The following UQCR11 variants were observed in gnomAD, a reference collection of about 807,000 sequenced individuals.
The protein encoded by UQCR11 is ubiquinol-cytochrome c reductase, complex III subunit XI, also known as cytochrome b-c1 complex subunit 10.
In UQCR11, 10 loss-of-function variants were observed where a neutral mutation model predicts 7.6. That is an observed-to-expected ratio of 1.31 (90% confidence interval 0.81 to 2.22). The LOEUF (loss-of-function observed/expected upper bound fraction) is 2.22, where lower values mean the gene tolerates loss of function less well. Ranked by LOEUF, UQCR11 falls within the 30% of genes most tolerant of loss-of-function variation. The pLI is 0.00. For synonymous variants in UQCR11, 34 were observed against 34.9 expected, an observed-to-expected ratio of 0.97 and a Z score of 0.09; for missense variants, 86 against 75.1, an observed-to-expected ratio of 1.15 and a Z score of -0.54.
Position 1,599,467 on chromosome 19 carries a change from G to C in UQCR11, c.144C>G (p.Ile48Met). ...WRLILDWVPY[I>M]NGKFKKDN ...AATTATCCTTCTTAAACTTGCCATT[G>C]ATGTAAGGTACCCAGTCCAGGATCA... is the stretch of plus-strand genomic sequence containing the variant. Residue 48 changes from isoleucine (I) to methionine (M), a missense_variant, in exon 2 of 3, where the codon ATC becomes ATG. Physicochemically the swap from Ile to Met is conservative, Grantham distance 10. Coordinates refer to ENST00000591899, the MANE Select transcript of UQCR11 (RefSeq NM_006830.4). The C allele has an allele frequency of 2.5e-6, 4 of 1,613,872 alleles. No homozygotes were observed. The South Asian group carries it at 4.4e-5, about 18-fold the overall frequency.
chr19:1,597,542 C>T lies in UQCR11; in HGVS notation c.*702G>A, dbSNP rs1178602049. ...AGCACTGTGGCTTGCTCCTTCCTCT[C>T]CCTTGGTTCACCTGCTCTGGGGAAG... On this transcript the variant is annotated 3_prime_UTR_variant, in exon 3 of 3. Transcript: ENST00000591899. 2 of 152,268 alleles carry T rather than the reference C, an allele frequency of 1.3e-5. No individual in the cohort carries two copies. The highest frequency in any genetic ancestry group is 4.1e-4 in the South Asian group (2 of 4,838). 9.4% of individuals were successfully genotyped at this position (152,268 alleles called of 1,614,324 possible).
intron 1 of UQCR11, 77 bp from the exon 2 acceptor site, chr19:1,599,637 C>G (rs766808874): frequency 2.4e-5 from 38 of 1,564,574 alleles, no homozygotes; most frequent in Non-Finnish European, 3.2e-5. Flanking sequence ...CCCGGCCCCC[C>G]GTCCTGAGCG....
At chr19:1,599,927 G>A (rs1051052080) in intron 1 of UQCR11, among the ~76,000 whole-genome samples, 14 of 152,238 alleles carry the variant, frequency 9.2e-5, no homozygotes, top group Non-Finnish European at 1.8e-4. Context: ...GGCAGGTGCC[G>A]CCATCACAGT....
intron 1 of UQCR11, among the ~76,000 whole-genome samples, chr19:1,601,084 G>T (rs2145620780): frequency 6.6e-6 from 1 of 151,840 alleles, no homozygotes; most frequent in East Asian, 2.0e-4. Context: ...CGGGAGAATG[G>T]CTTGAACCCA....
At chr19:1,600,396 G>A (rs1305579400) in intron 1 of UQCR11, among the ~76,000 whole-genome samples, 3 of 152,034 alleles carry the variant, frequency 2.0e-5, no homozygotes, top group African/African-American at 4.8e-5. Flanking sequence ...TGCATTTTTA[G>A]TAGAGATGGG....
chr19:1,600,414 C>T (rs910708290), intron 1 of UQCR11, among the ~76,000 whole-genome samples: 1 of 152,040 alleles, frequency 6.6e-6, no homozygotes, highest in Non-Finnish European at 1.5e-5. Flanking sequence ...GGGGTTTCAC[C>T]GTGTTAGCCA....
chr19:1,605,131 C>G (rs2060758193), intron 1 of UQCR11, among the ~76,000 whole-genome samples: 1 of 152,210 alleles, frequency 6.6e-6, no homozygotes, highest in African/African-American at 2.4e-5. Flanking sequence ...GCGGCCTAGC[C>G]GCGGAGCCGG....
At position 1,601,453 on chromosome 19, in the gene UQCR11, T is replaced by C. The variant is rs564479735; in HGVS notation, c.51-1893A>G. Among the ~76,000 whole-genome samples, 13 of 151,676 alleles carry C rather than the reference T, an allele frequency of 8.6e-5. No individual in the cohort carries two copies. In the South Asian group the frequency reaches 2.5e-3, roughly 29 times the overall value. On this transcript the variant is annotated intron_variant, in intron 1 of 2. Coordinates refer to ENST00000591899, the MANE Select transcript of UQCR11 (RefSeq NM_006830.4). ...CCATTCTACTAAAAATATAAAAAAT[T>C]AGCCAGGCAAGGTGGCGGGCGCCTG... is the stretch of plus-strand genomic sequence containing the variant.
intron 1 of UQCR11, among the ~76,000 whole-genome samples, chr19:1,601,398 A>C (rs1384733924): frequency 6.6e-6 from 1 of 151,980 alleles, no homozygotes; most frequent in African/African-American, 2.4e-5. Flanking sequence ...GTCAGGAGAT[A>C]GGGACCATCC....
chr19:1,600,798 C>T (rs1348728700), intron 1 of UQCR11, among the ~76,000 whole-genome samples: 1 of 152,172 alleles, frequency 6.6e-6, no homozygotes, highest in Admixed American at 6.5e-5. Flanking sequence ...CTCTTGAGCC[C>T]AGGAAGCAGA....
chr19:1,599,734 A>G (rs1020384011), intron 1 of UQCR11, among the ~76,000 whole-genome samples, 174 bp from the exon 2 acceptor site: 2 of 152,262 alleles, frequency 1.3e-5, no homozygotes, highest in African/African-American at 2.4e-5. Context: ...GGCCCTGCCC[A>G]TGCTGCCGGC....
At chr19:1,600,210 T>G (rs971673907) in intron 1 of UQCR11, among the ~76,000 whole-genome samples, 3 of 133,304 alleles carry the variant, frequency 2.3e-5, no homozygotes, top group Non-Finnish European at 3.2e-5. Context: ...CACAGGCTTC[T>G]TTTTTTTTTT....
Position 1,597,805 on chromosome 19 carries a change from TGAGA to T in UQCR11, c.*435_*438del, listed in dbSNP as rs1191616571. ...CCAAATCCCCGACTGACACAGACTG[TGAGA>T]GAGTGAATGTTCGTTGCTTTAAGCC... On this transcript the variant is annotated 3_prime_UTR_variant, in exon 3 of 3. Transcript: ENST00000591899. 6.6e-6 allele frequency: 1 copy of T among 152,176 alleles called. No individual in the cohort carries two copies. Among genetic ancestry groups the T allele is most frequent in the African/African-American group, 2.4e-5 (1 of 41,426 alleles). The allele number at this position is 152,176 out of a possible 1,614,324, so 9.4% of individuals were successfully genotyped here.
rs2060739724 is a variant in UQCR11 at position 1,599,158 on chromosome 19, G to T, written c.*28+254C>A. ...AGACGGAAGCAAGGTTTGCCTCAAA[G>T]ACTCACTGGGATTGTCCAGAGGGAG... On this transcript the variant is annotated intron_variant, in intron 2 of 2. Transcript: ENST00000591899. 3 of 397,814 alleles carry T rather than the reference G, an allele frequency of 7.5e-6. No homozygotes were observed. In the South Asian group the frequency reaches 8.1e-5, roughly 11 times the overall value. The allele number at this position is 397,814 out of a possible 1,614,324, so 24.6% of individuals were successfully genotyped here. A position where few individuals can be genotyped will look rare whatever the true frequency, so the allele number is the denominator to read the frequency against.
In UQCR11 at chr19:1,599,303, G is replaced by A. The variant is rs1327388106; in HGVS notation, c.*28+109C>T. On this transcript the variant is annotated intron_variant, in intron 2 of 2. Coordinates refer to ENST00000591899, the MANE Select transcript of UQCR11 (RefSeq NM_006830.4). The stretch of plus-strand genomic sequence containing the variant: ...CCACTCTCGAATGCAGGTCTCTCCA[G>A]GGGGAGCAGTGAGGGCTGCCGCCCC... 6 of 1,439,906 alleles carry A rather than the reference G, an allele frequency of 4.2e-6. No homozygotes were observed. In the East Asian group the frequency reaches 1.4e-4, roughly 33 times the overall value. 89.2% of individuals were successfully genotyped at this position (1,439,906 alleles called of 1,614,324 possible).
chr19:1,603,426 C>A (rs879620204), intron 1 of UQCR11, among the ~76,000 whole-genome samples: 1 of 152,074 alleles, frequency 6.6e-6, no homozygotes, highest in Non-Finnish European at 1.5e-5. Flanking sequence ...CACGGTGAAA[C>A]CCCATCTCCA....
At chr19:1,602,765 C>T (rs893737566) in intron 1 of UQCR11, among the ~76,000 whole-genome samples, 1 of 152,140 alleles carries the variant, frequency 6.6e-6, no homozygotes, top group African/African-American at 2.4e-5. Flanking sequence ...GGTTATTAAT[C>T]ACCAGAGAAG....
At chr19:1,603,586 G>A (rs569940837) in intron 1 of UQCR11, among the ~76,000 whole-genome samples, 4 of 152,178 alleles carry the variant, frequency 2.6e-5, no homozygotes, top group East Asian at 1.9e-4. Context: ...CAGCCGGGGC[G>A]ACAGAGCAAG....
rs2060758545 is a variant in UQCR11, at chr19:1,605,238, A to T, written c.50+122T>A. 6 of 1,138,498 alleles carry T rather than the reference A, an allele frequency of 5.3e-6. No homozygotes were observed. The East Asian group carries it at 1.0e-4, about 19-fold the overall frequency. The allele number at this position is 1,138,498 out of a possible 1,614,324, so 70.5% of individuals were successfully genotyped here. ...TCAGTTTCCCCCTCTGTCACCGGGA[A>T]CAACAAGGGACCTGGGCCCGGCCCG... On this transcript the variant is annotated intron_variant, in intron 1 of 2. Coordinates refer to ENST00000591899, the MANE Select transcript of UQCR11 (RefSeq NM_006830.4).
Sources: gnomAD v4.1 joint callset for allele counts (sites outside exome capture counted in the v4.1 genomes callset) on GRCh38, gnomAD v4.1.1 for gene constraint, MANE v1.5 for transcripts, NCBI Gene and HGNC (gene_info 2026-07-23, HGNC 2026-07-21) for gene names.